Variants in ROBO2 observed in about 807,000 individuals in gnomAD.
ROBO2 encodes roundabout homolog 2.
Under a neutral mutation model 160.8 loss-of-function variants are expected in ROBO2, and 53 were observed. The observed-to-expected ratio is 0.33, with a 90% CI of 0.26 to 0.41. The LOEUF (loss-of-function observed/expected upper bound fraction) is 0.41. ROBO2 is among the 10% of genes least tolerant of loss of function. ROBO2 has a pLI of 1.00. For synonymous variants in ROBO2, 664 were observed against 611.7 expected, an observed-to-expected ratio of 1.09 and a Z score of -1.26; for missense variants, 1,577 against 1,722.4, an observed-to-expected ratio of 0.92 and a Z score of 1.49.
chr3:76,130,325 A>G lies in ROBO2; in HGVS notation c.109+192723A>G, dbSNP rs763942132. 4.0e-4 allele frequency among the ~76,000 whole-genome samples: 61 copies of G among 152,276 alleles called. 1 individual carries two copies. The highest frequency in any genetic ancestry group is 6.8e-3 in the Middle Eastern group (2 of 294). Reference sequence around the variant, plus strand: ...GCTTTATTTGTAATGGTAAAACAATACAATGCTTTTGTTTATGCCGCTATA... The same window carrying G: ...GCTTTATTTGTAATGGTAAAACAATGCAATGCTTTTGTTTATGCCGCTATA... On this transcript the variant is annotated intron_variant, in intron 2 of 26. Transcript: ENST00000487694.
intron 6 of ROBO2, 108 bp from the exon 7 acceptor site, chr3:77,527,295 A>G: frequency 1.3e-6 from 1 of 743,304 alleles, no homozygotes. Flanking sequence ...AAATCACTCT[A>G]TTGTCCATAC....
At position 76,632,760 on chromosome 3, in the gene ROBO2, C is replaced by G. The variant is rs79805309; in HGVS notation, c.110-465254C>G. ...TAAGTAATATGTACTAAAAAGTCAT[C>G]CAATAAGTCCTCTACATTGGGATGT... On this transcript the variant is annotated intron_variant, in intron 2 of 26. Transcript: ENST00000487694. Among the ~76,000 whole-genome samples, 545 of 152,194 alleles carry G rather than the reference C, an allele frequency of 3.6e-3. 3 individuals carry two copies. The highest frequency in any genetic ancestry group is 0.013 in the African/African-American group (525 of 41,530).
intron 21 of ROBO2, among the ~76,000 whole-genome samples, chr3:77,612,147 C>A (rs2094656507): frequency 6.6e-6 from 1 of 152,124 alleles, no homozygotes; most frequent in Non-Finnish European, 1.5e-5. Context: ...AAGAACAAAA[C>A]CTTCTCCAGG....
At chr3:76,473,103 T>A (rs999690156) in intron 2 of ROBO2, among the ~76,000 whole-genome samples, 1 of 152,036 alleles carries the variant, frequency 6.6e-6, no homozygotes, top group African/African-American at 2.4e-5. Flanking sequence ...TCTAAAGGAG[T>A]ACACATCAAC....
intron 2 of ROBO2, among the ~76,000 whole-genome samples, chr3:76,177,421 G>A (rs1404808652): frequency 6.6e-6 from 1 of 152,122 alleles, no homozygotes; most frequent in African/African-American, 2.4e-5. Context: ...CACTTAAACA[G>A]AAGATTAGTG....
At chr3:77,296,502 C>G (rs2062141006) in intron 2 of ROBO2, among the ~76,000 whole-genome samples, 1 of 152,088 alleles carries the variant, frequency 6.6e-6, no homozygotes, top group Admixed American at 6.6e-5. Context: ...TTTTGTTTGT[C>G]TTGTTTTCTT....
intron 2 of ROBO2, among the ~76,000 whole-genome samples, chr3:77,443,839 A>G (rs889389922): frequency 3.3e-5 from 5 of 152,192 alleles, no homozygotes; most frequent in South Asian, 2.1e-4. Flanking sequence ...GAAAGGAGAC[A>G]TAAAGGGAAT....
chr3:76,116,685 A>T (rs530122616), intron 2 of ROBO2, among the ~76,000 whole-genome samples: 1 of 152,132 alleles, frequency 6.6e-6, no homozygotes, highest in African/African-American at 2.4e-5. Context: ...CTGGCATTTT[A>T]TCTTAAATTT....
chr3:76,669,726 T>G (rs1487007130), intron 2 of ROBO2, among the ~76,000 whole-genome samples: 4 of 152,220 alleles, frequency 2.6e-5, no homozygotes, highest in African/African-American at 9.6e-5. Flanking sequence ...GCAAGTTTCA[T>G]GCTGTTACAT....
intron 2 of ROBO2, among the ~76,000 whole-genome samples, chr3:77,298,700 T>C (rs1410703920): frequency 4.6e-5 from 7 of 152,310 alleles, no homozygotes; most frequent in African/African-American, 1.4e-4. Context: ...AAAACTTTGG[T>C]TGGGCTTCAG....
At chr3:76,099,159 G>A (rs964563844) in intron 2 of ROBO2, among the ~76,000 whole-genome samples, 13 of 152,048 alleles carry the variant, frequency 8.5e-5, no homozygotes, top group Non-Finnish European at 1.9e-4. Flanking sequence ...AGTTATTACT[G>A]CAATTCCTTG....
intron 2 of ROBO2, among the ~76,000 whole-genome samples, chr3:76,482,175 T>C (rs1351162870): frequency 6.6e-6 from 1 of 152,170 alleles, no homozygotes; most frequent in African/African-American, 2.4e-5. Context: ...TCTGCAGGTA[T>C]GCCTTTATTT....
At chr3:77,308,203 C>T (rs1034147902) in intron 2 of ROBO2, among the ~76,000 whole-genome samples, 1 of 151,182 alleles carries the variant, frequency 6.6e-6, no homozygotes, top group African/African-American at 2.4e-5. Flanking sequence ...GAAAATGCGG[C>T]AATCGTTCTT....
At chr3:77,393,488 C>A (rs2074954545) in intron 2 of ROBO2, among the ~76,000 whole-genome samples, 1 of 150,966 alleles carries the variant, frequency 6.6e-6, no homozygotes, top group Non-Finnish European at 1.5e-5. Flanking sequence ...ATAACAGTAC[C>A]ACAAAATGAC....
At chr3:77,522,168 G>T (rs978271468) in intron 5 of ROBO2, among the ~76,000 whole-genome samples, 1 of 151,112 alleles carries the variant, frequency 6.6e-6, no homozygotes, top group African/African-American at 2.4e-5. Flanking sequence ...TGAAATGGAG[G>T]TAAAACCATA....
intron 2 of ROBO2, among the ~76,000 whole-genome samples, chr3:76,424,014 T>C (rs902744157): frequency 6.6e-5 from 10 of 152,154 alleles, no homozygotes; most frequent in African/African-American, 2.4e-4. Flanking sequence ...AAAACGTCGA[T>C]GAATCAAGTT....
intron 2 of ROBO2, among the ~76,000 whole-genome samples, chr3:76,359,357 G>A (rs575842793): frequency 6.6e-6 from 1 of 152,128 alleles, no homozygotes; most frequent in Non-Finnish European, 1.5e-5. Context: ...ATTTGTGCAA[G>A]TATGATTCTT....
chr3:77,054,928 ATGTG>A (rs574557375), intron 1 of ROBO2, among the ~76,000 whole-genome samples: 4 of 113,078 alleles, frequency 3.5e-5, no homozygotes, highest in African/African-American at 7.9e-5. Context: ...TCTCGCGTGT[ATGTG>A]TGTGTGTGTG....
At chr3:75,963,776 G>A (rs1949008635) in intron 2 of ROBO2, among the ~76,000 whole-genome samples, 1 of 151,598 alleles carries the variant, frequency 6.6e-6, no homozygotes, top group Non-Finnish European at 1.5e-5. Flanking sequence ...TCTGTTTTAG[G>A]CCTCCCTTCT....
Sources: allele counts gnomAD v4.1 joint callset (sites outside exome capture counted in the v4.1 genomes callset), GRCh38; gene constraint gnomAD v4.1.1; transcripts MANE v1.5; gene names NCBI Gene and HGNC (gene_info 2026-07-23, HGNC 2026-07-21).